The following AP1G1 variants were observed in gnomAD, a reference collection of about 807,000 sequenced individuals.
AP1G1 encodes adaptor related protein complex 1 subunit gamma 1, also known as AP-1 complex subunit gamma-1.
A neutral mutation model predicts 108.3 loss-of-function variants in AP1G1; 7 were observed. That is an observed-to-expected ratio of 0.06 (90% confidence interval 0.04 to 0.12). The LOEUF (loss-of-function observed/expected upper bound fraction) is 0.12, where lower values mean the gene tolerates loss of function less well. AP1G1 is among the 10% of genes least tolerant of loss of function. The pLI, the probability that AP1G1 is intolerant of heterozygous loss-of-function variation, is 1.00. For missense variants in AP1G1, 756 were observed against 1,010.7 expected, an observed-to-expected ratio of 0.75 and a Z score of 3.42; for synonymous variants, 379 against 353.5, an observed-to-expected ratio of 1.07 and a Z score of -0.81.
intron 21 of AP1G1, among the ~76,000 whole-genome samples, chr16:71,736,829 G>A (rs567223550): frequency 8.0e-5 from 12 of 149,702 alleles, no homozygotes; most frequent in Admixed American, 6.0e-4. Flanking sequence ...TCCTGACCTC[G>A]TGGGATCCGC....
At chr16:71,773,397 G>A (rs775736135) in intron 3 of AP1G1, 35 bp from the exon 4 acceptor site, 9 of 1,465,996 alleles carry the variant, frequency 6.1e-6, no homozygotes, top group South Asian at 4.7e-5. Flanking sequence ...GAACAAGCCT[G>A]GTGCTCCCCA....
At chr16:71,744,240 T>A (rs999582965) in intron 19 of AP1G1, among the ~76,000 whole-genome samples, 6 of 152,160 alleles carry the variant, frequency 3.9e-5, no homozygotes, top group African/African-American at 1.4e-4. Context: ...CAAGACTCCA[T>A]CTCAAAATAA....
At chr16:71,767,986 C>T (rs761751393) in intron 6 of AP1G1, 6 of 1,342,758 alleles carry the variant, frequency 4.5e-6, no homozygotes, top group African/African-American at 2.9e-5. Context: ...ATAATTTAAT[C>T]AAGACATGAA....
chr16:71,760,398 A>C (rs905075965), intron 10 of AP1G1, among the ~76,000 whole-genome samples: 6 of 152,008 alleles, frequency 3.9e-5, no homozygotes, highest in African/African-American at 7.2e-5. Flanking sequence ...CAAAAAAATT[A>C]GCTGGGCGTG....
chr16:71,737,474 G>A (rs1034628049), intron 21 of AP1G1, among the ~76,000 whole-genome samples: 2 of 152,068 alleles, frequency 1.3e-5, no homozygotes, highest in African/African-American at 4.8e-5. Flanking sequence ...TGGTAAAGAT[G>A]GTGTTTCACC....
chr16:71,749,501 A>C (rs969518369), intron 15 of AP1G1, among the ~76,000 whole-genome samples: 2 of 151,274 alleles, frequency 1.3e-5, no homozygotes, highest in Non-Finnish European at 2.9e-5. Flanking sequence ...AAAACAAAAA[A>C]CCTCACAATG....
In AP1G1 at chr16:71,748,265, G is replaced by A. The variant is rs975001622; in HGVS notation, c.1611C>T (p.Phe537=). 6.2e-7 allele frequency: 1 copy of A among 1,613,974 alleles called. No homozygotes were observed. Among genetic ancestry groups the A allele is most frequent in the Non-Finnish European group, 8.5e-7 (1 of 1,179,994 alleles). Residue 537 remains phenylalanine (F), a synonymous_variant, in exon 16 of 23, where the codon TTC becomes TTT. Transcript: ENST00000299980. ...TCAATACTCACTTTACAGTACAAGTGAATCGAGTGGAAAGCTTCATAATGG... is the reference window on the plus strand; with the variant it reads ...TCAATACTCACTTTACAGTACAAGTAAATCGAGTGGAAAGCTTCATAATGG... ...LTAIMKLSTR[F]TCTVNRIKKV...
intron 11 of AP1G1, among the ~76,000 whole-genome samples, chr16:71,756,907 G>A (rs1253215703): frequency 6.8e-6 from 1 of 146,996 alleles, no homozygotes; most frequent in African/African-American, 2.5e-5. Flanking sequence ...CTCCAGCCTC[G>A]GAAACAGAGT....
intron 2 of AP1G1, among the ~76,000 whole-genome samples, chr16:71,785,123 T>G (rs375929876): frequency 1.1e-4 from 17 of 152,022 alleles, no homozygotes; most frequent in Admixed American, 9.2e-4. Context: ...CAGTATGTAC[T>G]TTACACTTAC....
At chr16:71,799,680 C>G (rs1021878483) in intron 1 of AP1G1, among the ~76,000 whole-genome samples, 4 of 149,102 alleles carry the variant, frequency 2.7e-5, no homozygotes, top group Non-Finnish European at 5.9e-5. Context: ...GTAGGCGGAT[C>G]ATGAAGTCAG....
At chr16:71,758,418 T>C (rs781344283) in intron 11 of AP1G1, 2 of 522,170 alleles carry the variant, frequency 3.8e-6, no homozygotes, top group Admixed American at 1.9e-5. Flanking sequence ...CTGTCAGCAG[T>C]TTGAGTGTCA....
intron 1 of AP1G1, chr16:71,808,264 G>A (rs2033067278): frequency 2.0e-6 from 2 of 991,754 alleles, no homozygotes; most frequent in Non-Finnish European, 2.5e-6. Flanking sequence ...TTAGAGAGAG[G>A]CGAGGCCGAT....
chr16:71,735,479 C>G (rs1041901878), intron 21 of AP1G1, among the ~76,000 whole-genome samples: 4 of 151,912 alleles, frequency 2.6e-5, no homozygotes, highest in African/African-American at 9.7e-5. Flanking sequence ...CTGGCCAACA[C>G]AGTGAAACCC....
chr16:71,733,747 T>C (rs1597028541), intron 22 of AP1G1, among the ~76,000 whole-genome samples: 2 of 152,292 alleles, frequency 1.3e-5, no homozygotes, highest in East Asian at 3.9e-4. Flanking sequence ...GGTGAACATA[T>C]ACTCATCGTA....
chr16:71,748,754 G>C (rs1388202734), intron 15 of AP1G1, among the ~76,000 whole-genome samples: 1 of 152,168 alleles, frequency 6.6e-6, no homozygotes, highest in Non-Finnish European at 1.5e-5. Flanking sequence ...GTGCAAATAA[G>C]AACATGGATA....
At chr16:71,778,176 C>G (rs1319077663) in intron 2 of AP1G1, among the ~76,000 whole-genome samples, 1 of 152,146 alleles carries the variant, frequency 6.6e-6, no homozygotes, top group Non-Finnish European at 1.5e-5. Flanking sequence ...TTTAAAGGGG[C>G]AAGCATTATT....
intron 2 of AP1G1, among the ~76,000 whole-genome samples, chr16:71,784,519 A>G (rs1597077664): frequency 6.6e-6 from 1 of 152,152 alleles, no homozygotes; most frequent in African/African-American, 2.4e-5. Flanking sequence ...AGTTTATGCC[A>G]TCTCAAATCC....
intron 5 of AP1G1, among the ~76,000 whole-genome samples, chr16:71,769,958 T>C (rs2031505467): frequency 6.6e-6 from 1 of 152,214 alleles, no homozygotes; most frequent in African/African-American, 2.4e-5. Flanking sequence ...TGACGACCAA[T>C]ACATATGTCT....
Position 71,753,890 on chromosome 16 carries a change from GA to G in AP1G1, c.1230-4del, listed in dbSNP as rs769252406. The G allele has an allele frequency of 6.2e-7, 1 of 1,611,888 alleles. No individual in the cohort carries two copies. Among genetic ancestry groups the G allele is most frequent in the East Asian group, 2.2e-5 (1 of 44,860 alleles). On this transcript the variant is annotated splice_polypyrimidine_tract_variant and splice_region_variant and intron_variant, in intron 12 of 22. Coordinates refer to ENST00000299980, the MANE Select transcript of AP1G1 (RefSeq NM_001128.6). ...GCCATCGTTTGGAAGGTGCATACCT[GA>G]AAAAAACAATGGAAAGGGACACTTG...
Sources: gnomAD v4.1 joint callset for allele counts (sites outside exome capture counted in the v4.1 genomes callset) on GRCh38, gnomAD v4.1.1 for gene constraint, MANE v1.5 for transcripts, NCBI Gene and HGNC (gene_info 2026-07-23, HGNC 2026-07-21) for gene names.